TNRC18: variants seen among roughly 807,000 people sequenced by gnomAD.
TNRC18 encodes the protein trinucleotide repeat containing 18.
Under a neutral mutation model 226.7 loss-of-function variants are expected in TNRC18, and 69 were observed. That is an observed-to-expected ratio of 0.30 (90% CI 0.25 to 0.37). The LOEUF (loss-of-function observed/expected upper bound fraction) is 0.37, where lower values mean the gene tolerates loss of function less well. Among genes scored for constraint, TNRC18 ranks in the 10% least tolerant of loss-of-function variants. The pLI, the probability that TNRC18 is intolerant of heterozygous loss-of-function variation, is 1.00. For missense variants in TNRC18, 4,754 were observed against 4,256.6 expected (o/e 1.12, Z -3.25); for synonymous variants, 2,449 against 1,927.6 (o/e 1.27, Z -7.09).
intron 2 of TNRC18, among the ~76,000 whole-genome samples, chr7:5,407,743 T>C (rs911810574): frequency 1.4e-4 from 21 of 152,326 alleles, no homozygotes; most frequent in African/African-American, 5.0e-4. Flanking sequence ...GCCTTGCCCC[T>C]AGGGCTCCAG....
Position 5,351,654 on chromosome 7 carries a change from C to T in TNRC18, c.5470+165G>A, listed in dbSNP as rs1169678024. Among the ~76,000 whole-genome samples, 24 of 152,260 alleles carry T rather than the reference C, an allele frequency of 1.6e-4. 1 individual carries two copies. The highest frequency in any genetic ancestry group is 1.6e-3 in the Admixed American group (24 of 15,292). On this transcript the variant is annotated intron_variant, in intron 17 of 29. Transcript: ENST00000430969. The stretch of plus-strand genomic sequence containing the variant: ...ATCAAAATCATTCGGCTGATAACAG[C>T]AGGCTACGCTGCCAAGAACCCAGAT...
rs1229244450 is a variant in TNRC18, at chr7:5,309,430, G to T, written c.8389-62C>A. On this transcript the variant is annotated intron_variant, in intron 27 of 29. Transcript: ENST00000430969. The surrounding 1 kb of genome is among the most constrained non-coding windows in gnomAD (Gnocchi z 5.7). ...CCAGCCCCAAGGAGCCCGCCGCCTG[G>T]CAGGCTCTGCCGCTTGGGACTCTGG... is the stretch of plus-strand genomic sequence containing the variant. The T allele has an allele frequency of 9.6e-6, 14 of 1,465,026 alleles. No individual in the cohort carries two copies. Among genetic ancestry groups the T allele is most frequent in the Non-Finnish European group, 1.3e-5 (14 of 1,081,622 alleles). The allele number at this position is 1,465,026 out of a possible 1,614,324, so 90.8% of individuals were successfully genotyped here.
chr7:5,359,345 CT>C (rs1490572511), intron 15 of TNRC18, 52 bp downstream of exon 15: 11 of 1,599,054 alleles, frequency 6.9e-6, no homozygotes, highest in Middle Eastern at 1.7e-4. Context: ...TTAACACACC[CT>C]CCAGACACCT....
rs1489422062 is a variant in TNRC18 at position 5,388,775 on chromosome 7, G to A, written c.1049C>T (p.Ala350Val). The change falls in exon 5 of 30, where the codon GCG becomes GTG. Residue 350 changes from alanine to valine, a missense_variant. Physicochemically the swap from Ala to Val is moderately conservative, Grantham distance 64. Coordinates refer to ENST00000430969, the MANE Select transcript of TNRC18 (RefSeq NM_001080495.3). ...APPKGPPAPP[A>V]ATPAGVYTVF... is the part of the protein sequence containing the mutation. The stretch of plus-strand genomic sequence containing the variant: ...GGTGTAGACGCCGGCGGGGGTGGCC[G>A]CGGGGGGTGCAGGAGGCCCCTTGGG... The A allele has an allele frequency of 5.7e-5, 70 of 1,223,844 alleles. No homozygotes were observed. Among genetic ancestry groups the A allele is most frequent in the East Asian group, 1.2e-4 (3 of 25,758 alleles). The allele number at this position is 1,223,844 out of a possible 1,614,324, so 75.8% of individuals were successfully genotyped here. A position where few individuals can be genotyped will look rare whatever the true frequency, so the allele number is the denominator to read the frequency against.
chr7:5,345,435 C>T, intron 18 of TNRC18, 127 bp downstream of exon 18: 1 of 956,860 alleles, frequency 1.0e-6, no homozygotes, highest in Non-Finnish European at 1.5e-6. Flanking sequence ...GCCCACGAGG[C>T]TGGGGTTCTG....
Position 5,370,750 on chromosome 7 carries a change from C to T in TNRC18, c.3844G>A (p.Val1282Met). 1 of 1,604,870 alleles carries T rather than the reference C, an allele frequency of 6.2e-7. No homozygotes were observed. Among genetic ancestry groups the T allele is most frequent in the African/African-American group, 1.3e-5 (1 of 74,854 alleles). The change falls in exon 11 of 30, where the codon GTG becomes ATG. Residue 1282 changes from valine to methionine, a missense_variant. Val to Met is a conservative substitution (Grantham distance 21). Transcript: ENST00000430969. ...GTGGGCTGGGACTCGCTCGGTGCCA[C>T]CTGCGCCAGGCCTTCCTCGGGCACT... ...EAVPEEGLAQ[V>M]APSESQPTLE...
intron 11 of TNRC18, among the ~76,000 whole-genome samples, chr7:5,369,456 G>T (rs1793945776): frequency 6.6e-6 from 1 of 152,194 alleles, no homozygotes; most frequent in African/African-American, 2.4e-5. Flanking sequence ...TCTTTCGGAA[G>T]GCTGCTGAGC....
At chr7:5,387,580 A>G (rs1779886030) in intron 5 of TNRC18, 92 bp downstream of exon 5, 3 of 1,510,934 alleles carry the variant, frequency 2.0e-6, no homozygotes, top group Non-Finnish European at 1.8e-6. Context: ...AGACTTAGCA[A>G]TAGCAAAGGG....
intron 18 of TNRC18, among the ~76,000 whole-genome samples, chr7:5,339,584 G>C (rs1006637564): frequency 6.0e-5 from 8 of 133,562 alleles, no homozygotes; most frequent in African/African-American, 2.4e-4. Flanking sequence ...TGTGTTTTTC[G>C]ACAGAGTGTC....
rs774293149 is a variant in TNRC18, at chr7:5,371,351, C to T, written c.3243G>A (p.Arg1081=). ...GCGGTGGCAGGGCTTGGAACGGGTACCTGGGCGGGATATCTGCCAAGGACA... is the reference window on the plus strand; with the variant it reads ...GCGGTGGCAGGGCTTGGAACGGGTATCTGGGCGGGATATCTGCCAAGGACA... ...FQALFSDIPP[R]YPFQALPPHY... is the part of the protein sequence containing the mutation. The change falls in exon 11 of 30, where the codon AGG becomes AGA. Residue 1081 remains arginine, a synonymous_variant. Transcript: ENST00000430969. 2 of 1,511,028 alleles carry T rather than the reference C, an allele frequency of 1.3e-6. No individual in the cohort carries two copies. Among genetic ancestry groups the T allele is most frequent in the South Asian group, 1.3e-5 (1 of 77,712 alleles). 93.6% of individuals were successfully genotyped at this position (1,511,028 alleles called of 1,614,324 possible).
rs181684085 is a variant in TNRC18 at position 5,415,755 on chromosome 7, G to C, written c.187+5305C>G. 2.9e-3 allele frequency among the ~76,000 whole-genome samples: 436 copies of C among 152,050 alleles called. 1 individual carries two copies. Among genetic ancestry groups the C allele is most frequent in the Non-Finnish European group, 4.5e-3 (309 of 67,980 alleles). Reference sequence around the variant, plus strand: ...AAACAATATGAGAAGCCCATCTCCAGGTGGTTGTCCAGGGAAAGTTGGCAA... The same window carrying C: ...AAACAATATGAGAAGCCCATCTCCACGTGGTTGTCCAGGGAAAGTTGGCAA... On this transcript the variant is annotated intron_variant, in intron 2 of 29. Coordinates refer to ENST00000430969, the MANE Select transcript of TNRC18 (RefSeq NM_001080495.3).
Position 5,421,163 on chromosome 7 carries a change from G to A in TNRC18, c.84C>T (p.His28=). Residue 28 remains histidine (H), a synonymous_variant, in exon 2 of 30, where the codon CAC becomes CAT. Coordinates refer to ENST00000430969, the MANE Select transcript of TNRC18 (RefSeq NM_001080495.3). ...PLLSGLAMDS[H]RVGAATAGRL... is the part of the protein sequence containing the mutation. The stretch of plus-strand genomic sequence containing the variant: ...GTCCGGCAGTGGCCGCGCCCACGCG[G>A]TGGCTGTCCATGGCCAGGCCGGACA... 2.1e-6 allele frequency: 3 copies of A among 1,423,584 alleles called. No individual in the cohort carries two copies. The highest frequency in any genetic ancestry group is 2.8e-6 in the Non-Finnish European group (3 of 1,085,742). The allele number at this position is 1,423,584 out of a possible 1,614,324, so 88.2% of individuals were successfully genotyped here. A position where few individuals can be genotyped will look rare whatever the true frequency, so the allele number is the denominator to read the frequency against.
chr7:5,322,350 G>A (rs933458586), intron 21 of TNRC18, among the ~76,000 whole-genome samples: 1 of 151,974 alleles, frequency 6.6e-6, no homozygotes, highest in Non-Finnish European at 1.5e-5. Context: ...CCAGCCTACA[G>A]TGCAGTGGCA....
In TNRC18 at chr7:5,356,312, G is replaced by A. The variant is rs145089661; in HGVS notation, c.5194+604C>T. Among the ~76,000 whole-genome samples, 13 of 152,186 alleles carry A rather than the reference G, an allele frequency of 8.5e-5. No individual in the cohort carries two copies. In the East Asian group the frequency reaches 2.5e-3, roughly 29 times the overall value. ...CGCACACACTCCCCTCTGGCTCTCGGGCCACATCATCCCCAGTAACAACAT... is the reference window on the plus strand; with the variant it reads ...CGCACACACTCCCCTCTGGCTCTCGAGCCACATCATCCCCAGTAACAACAT... On this transcript the variant is annotated intron_variant, in intron 16 of 29. Coordinates refer to ENST00000430969, the MANE Select transcript of TNRC18 (RefSeq NM_001080495.3).
chr7:5,320,648 C>A (rs750678999), intron 22 of TNRC18, 41 bp from the exon 23 acceptor site: 4 of 1,583,932 alleles, frequency 2.5e-6, no homozygotes, highest in Non-Finnish European at 3.4e-6. Flanking sequence ...GAGGCCGAGA[C>A]CTCCCCAGAG....
Position 5,309,489 on chromosome 7 carries a change from G to T in TNRC18, c.8389-121C>A. On this transcript the variant is annotated intron_variant, in intron 27 of 29. Transcript: ENST00000430969. This position sits in a 1 kb window ranked among gnomAD's most constrained non-coding sequence, Gnocchi z 5.7. The stretch of plus-strand genomic sequence containing the variant: ...CCTCTAAATCAACCCCTATCCAACT[G>T]TGGGGAGATGAGGAAGCTCCTTGTC... 1.3e-6 allele frequency: 1 copy of T among 791,338 alleles called. No individual in the cohort carries two copies. Among genetic ancestry groups the T allele is most frequent in the Non-Finnish European group, 2.0e-6 (1 of 502,968 alleles). 49.0% of individuals were successfully genotyped at this position (791,338 alleles called of 1,614,324 possible).
At chr7:5,344,476 G>A (rs1188919272) in intron 18 of TNRC18, among the ~76,000 whole-genome samples, 2 of 152,202 alleles carry the variant, frequency 1.3e-5, no homozygotes, top group African/African-American at 2.4e-5. Flanking sequence ...AGCGAGGAGG[G>A]GGAAGGCAGG....
chr7:5,337,631 A>G (rs1292547235), intron 18 of TNRC18, among the ~76,000 whole-genome samples: 2 of 152,198 alleles, frequency 1.3e-5, no homozygotes, highest in Admixed American at 6.6e-5. Context: ...ATCTGAATAA[A>G]TACAAAAGAC....
Position 5,377,399 on chromosome 7 carries a change from T to C in TNRC18, c.2433A>G (p.Ala811=), listed in dbSNP as rs1324583482. The change falls in exon 7 of 30, where the codon GCA becomes GCG. Residue 811 remains alanine, a synonymous_variant. Coordinates refer to ENST00000430969, the MANE Select transcript of TNRC18 (RefSeq NM_001080495.3). This position sits in a 1 kb window ranked among gnomAD's most constrained non-coding sequence, Gnocchi z 5.8. ...AGGGGTGTCCAGCGAGCCACATGGA[T>C]GCGTTGCCCGAGCGGGGCAACCAGG... ...THPWLPRSGN[A]SMWLAGHPYG... The C allele has an allele frequency of 2.5e-6, 4 of 1,593,238 alleles. No homozygotes were observed. Among genetic ancestry groups the C allele is most frequent in the Non-Finnish European group, 3.4e-6 (4 of 1,170,982 alleles).
Sources: allele counts gnomAD v4.1 joint callset (sites outside exome capture counted in the v4.1 genomes callset), GRCh38; gene constraint gnomAD v4.1.1; non-coding constraint Gnocchi (gnomAD v3.1); transcripts MANE v1.5; gene names NCBI Gene and HGNC (gene_info 2026-07-23, HGNC 2026-07-21).